Variants in LINGO2 observed in about 807,000 individuals in gnomAD.
LINGO2 encodes leucine-rich repeat and immunoglobulin-like domain-containing nogo receptor-interacting protein 2.
In LINGO2, 14 loss-of-function variants were observed where a neutral mutation model predicts 30.6. The ratio of observed to expected loss-of-function variants is 0.46; its 90% CI spans 0.30 to 0.72. LINGO2 has a LOEUF of 0.72. Ranked by LOEUF, LINGO2 falls within the 30% of genes least tolerant of loss-of-function variation. The pLI is 0.07. For missense variants in LINGO2, 729 were observed against 751.7 expected, an observed-to-expected ratio of 0.97 and a Z score of 0.35; for synonymous variants, 317 against 288.5, an observed-to-expected ratio of 1.10 and a Z score of -1.00.
the LINGO2 span, among the ~76,000 whole-genome samples, chr9:29,007,157 G>T: frequency 2.6e-5 from 4 of 152,042 alleles, no homozygotes; most frequent in Non-Finnish European, 5.9e-5. Flanking sequence ...TAATGGTAGA[G>T]AAGTTTTTAA....
intron 3 of LINGO2, among the ~76,000 whole-genome samples, chr9:28,354,720 A>C (rs921553201): frequency 6.6e-5 from 10 of 152,142 alleles, no homozygotes; most frequent in African/African-American, 2.2e-4. Context: ...ATTTTAAAAC[A>C]TTTTTATAGC....
At chr9:29,038,816 A>G in the LINGO2 span, among the ~76,000 whole-genome samples, 324 of 152,272 alleles carry the variant, frequency 2.1e-3, 1 homozygote, top group African/African-American at 7.0e-3. Flanking sequence ...AGGATTAAGT[A>G]AACTATTGCA....
intron 1 of LINGO2, among the ~76,000 whole-genome samples, chr9:28,511,305 A>C (rs573368545): frequency 6.6e-6 from 1 of 152,278 alleles, no homozygotes; most frequent in African/African-American, 2.4e-5. Context: ...CAATATAATC[A>C]ACCTGCCACC....
the LINGO2 span, among the ~76,000 whole-genome samples, chr9:29,136,240 C>G: frequency 2.0e-5 from 3 of 152,150 alleles, no homozygotes; most frequent in Non-Finnish European, 4.4e-5. Context: ...TTTTCAACTT[C>G]TTTCTGATGG....
the LINGO2 span, among the ~76,000 whole-genome samples, chr9:28,754,186 T>C: frequency 3.2e-3 from 494 of 152,226 alleles, 9 homozygotes; most frequent in African/African-American, 0.012. Context: ...TATTAAACAT[T>C]ACTATATACA....
At position 28,361,022 on chromosome 9, in the gene LINGO2, T is replaced by TA. The variant is rs1360881086; in HGVS notation, c.-246+11813dup. The stretch of plus-strand genomic sequence containing the variant: ...AATATTAAATGGAAAAATCCAGACA[T>TA]AAAAAATTAATGCATTTTAAACTGT... On this transcript the variant is annotated intron_variant, in intron 3 of 5. Coordinates refer to ENST00000379992, the Ensembl canonical transcript of LINGO2. Among the ~76,000 whole-genome samples, 10 of 152,284 alleles carry TA rather than the reference T, an allele frequency of 6.6e-5. 1 individual carries two copies. The highest frequency in any genetic ancestry group is 2.4e-4 in the African/African-American group (10 of 41,562).
chr9:28,045,179 C>A (rs1824362468), intron 4 of LINGO2, among the ~76,000 whole-genome samples: 1 of 151,830 alleles, frequency 6.6e-6, no homozygotes, highest in Non-Finnish European at 1.5e-5. Flanking sequence ...CCAAAAAAAA[C>A]CCACACACAC....
the LINGO2 span, among the ~76,000 whole-genome samples, chr9:28,996,381 A>T: frequency 6.6e-5 from 10 of 152,190 alleles, no homozygotes; most frequent in Admixed American, 6.5e-4. Flanking sequence ...CAGAAATACA[A>T]GGAAGATCAC....
rs549199697 is a variant in LINGO2, at chr9:28,623,769, T to C, written c.-365+46431A>G. Among the ~76,000 whole-genome samples the C allele has an allele frequency of 1.2e-3, 181 of 152,210 alleles. 1 individual carries two copies. The highest frequency in any genetic ancestry group is 4.1e-3 in the African/African-American group (169 of 41,568). Reference sequence around the variant, plus strand: ...ATTTTGATAGGAATTGCATTGAATGTATAGATTGCTTTGAGAAATATGGAC... The same window carrying C: ...ATTTTGATAGGAATTGCATTGAATGCATAGATTGCTTTGAGAAATATGGAC... On this transcript the variant is annotated intron_variant, in intron 1 of 5. Transcript: ENST00000379992.
chr9:28,757,392 G>A, the LINGO2 span, among the ~76,000 whole-genome samples: 1 of 151,800 alleles, frequency 6.6e-6, no homozygotes, highest in African/African-American at 2.4e-5. Flanking sequence ...TATATCACAA[G>A]GCATACTGGT....
intron 4 of LINGO2, among the ~76,000 whole-genome samples, chr9:28,214,276 A>G (rs1207539067): frequency 2.6e-5 from 4 of 151,640 alleles, no homozygotes; most frequent in African/African-American, 4.8e-5. Context: ...TTGCCTGAAC[A>G]AAGAGACAGC....
intron 4 of LINGO2, among the ~76,000 whole-genome samples, chr9:28,099,646 T>A (rs570050783): frequency 1.3e-5 from 2 of 152,338 alleles, no homozygotes; most frequent in Admixed American, 1.3e-4. Flanking sequence ...TTCTACTCTC[T>A]ATTGAAGCAA....
intron 1 of LINGO2, among the ~76,000 whole-genome samples, chr9:28,593,408 C>A (rs1386756879): frequency 6.6e-6 from 1 of 151,978 alleles, no homozygotes; most frequent in Non-Finnish European, 1.5e-5. Context: ...CGTTCTTTCC[C>A]AGGTCATGAT....
At chr9:29,185,708 A>G in the LINGO2 span, among the ~76,000 whole-genome samples, 2 of 152,192 alleles carry the variant, frequency 1.3e-5, no homozygotes, top group South Asian at 4.1e-4. Flanking sequence ...AGGTAGAGTG[A>G]ATTGGGAAAA....
the LINGO2 span, among the ~76,000 whole-genome samples, chr9:28,873,374 A>G: frequency 7.0e-6 from 1 of 143,732 alleles, no homozygotes; most frequent in African/African-American, 2.7e-5. Flanking sequence ...AGAGAGACTC[A>G]GTCTCAAAAA....
intron 3 of LINGO2, among the ~76,000 whole-genome samples, chr9:28,298,797 G>C (rs953335610): frequency 1.3e-5 from 2 of 152,148 alleles, no homozygotes; most frequent in Admixed American, 6.5e-5. Flanking sequence ...ACAGGTTCCA[G>C]ATAGGGGCAT....
chr9:28,028,511 TAAC>T (rs1823498842), intron 4 of LINGO2, among the ~76,000 whole-genome samples: 2 of 152,120 alleles, frequency 1.3e-5, no homozygotes, highest in African/African-American at 4.8e-5. Context: ...GAGAAGATTA[TAAC>T]AATATACATA....
the LINGO2 span, among the ~76,000 whole-genome samples, chr9:28,785,308 A>G: frequency 4.6e-5 from 7 of 152,276 alleles, no homozygotes; most frequent in East Asian, 1.9e-4. Flanking sequence ...ACCTAGGCAT[A>G]TGCCTATCCT....
the LINGO2 span, among the ~76,000 whole-genome samples, chr9:28,714,897 C>T: frequency 2.0e-5 from 3 of 152,052 alleles, no homozygotes; most frequent in African/African-American, 7.2e-5. Context: ...TGTAATGTTA[C>T]TCATCCAGAA....
Sources: allele counts gnomAD v4.1 joint callset (sites outside exome capture counted in the v4.1 genomes callset), GRCh38; gene constraint gnomAD v4.1.1; transcripts MANE v1.5; gene names NCBI Gene and HGNC (gene_info 2026-07-23, HGNC 2026-07-21).